Variants in PARPBP observed in about 807,000 individuals in gnomAD.
The protein encoded by PARPBP is PARP1 binding protein.
A neutral mutation model predicts 50.0 loss-of-function variants in PARPBP; 52 were observed. The observed-to-expected ratio is 1.04, with a 90% CI of 0.83 to 1.31. The LOEUF is 1.31. Among genes scored for constraint, PARPBP ranks in the 50% most tolerant of loss-of-function variants. The pLI is 0.00. For missense variants in PARPBP, 697 were observed against 672.0 expected, an observed-to-expected ratio of 1.04 and a Z score of -0.41; for synonymous variants, 244 against 232.1, an observed-to-expected ratio of 1.05 and a Z score of -0.47.
intron 8 of PARPBP, among the ~76,000 whole-genome samples, chr12:102,181,255 CATTT>C (rs1229117825): frequency 1.3e-5 from 2 of 152,224 alleles, no homozygotes; most frequent in African/African-American, 4.8e-5. Flanking sequence ...GCTCATGAAA[CATTT>C]AGTTACTGGA....
chr12:102,122,001 A>C (rs912501985), intron 1 of PARPBP, among the ~76,000 whole-genome samples: 2 of 152,194 alleles, frequency 1.3e-5, no homozygotes, highest in African/African-American at 4.8e-5. Flanking sequence ...TTTCATTATG[A>C]GGAAGCTGAG....
At position 102,197,356 on chromosome 12, in the gene PARPBP, G is replaced by T; in HGVS notation, c.*1065G>T. 1 of 800,824 alleles carries T rather than the reference G, an allele frequency of 1.2e-6. No individual in the cohort carries two copies. Among genetic ancestry groups the T allele is most frequent in the Non-Finnish European group, 1.9e-6 (1 of 513,748 alleles). 49.6% of individuals were successfully genotyped at this position (800,824 alleles called of 1,614,324 possible). ...TCAGATAAGAGGTGTTTGCTGGGATGGAAGAACTACCTGGCATGTAAGAAA... is the reference window on the plus strand; with the variant it reads ...TCAGATAAGAGGTGTTTGCTGGGATTGAAGAACTACCTGGCATGTAAGAAA... On this transcript the variant is annotated 3_prime_UTR_variant, in exon 11 of 11. Transcript: ENST00000327680.
intron 2 of PARPBP, among the ~76,000 whole-genome samples, chr12:102,124,457 T>A (rs1477599547): frequency 6.6e-6 from 1 of 152,230 alleles, no homozygotes; most frequent in Non-Finnish European, 1.5e-5. Context: ...TTAAAAAATT[T>A]CCACAAAGTG....
intron 4 of PARPBP, among the ~76,000 whole-genome samples, chr12:102,160,766 T>C (rs1344884585): frequency 1.3e-5 from 2 of 151,998 alleles, no homozygotes; most frequent in African/African-American, 2.4e-5. Flanking sequence ...CTGACCAACA[T>C]GGAGAAATCC....
chr12:102,129,212 TC>T (rs1380593555), intron 2 of PARPBP, among the ~76,000 whole-genome samples: 2 of 152,208 alleles, frequency 1.3e-5, no homozygotes, highest in Non-Finnish European at 2.9e-5. Flanking sequence ...GTACTTGGAC[TC>T]CTAGGCTCAA....
intron 2 of PARPBP, among the ~76,000 whole-genome samples, chr12:102,135,732 G>C (rs1429790363): frequency 6.6e-6 from 1 of 152,094 alleles, no homozygotes; most frequent in East Asian, 1.9e-4. Context: ...TTTGTCTTCT[G>C]TTTTGAAGAA....
intron 6 of PARPBP, among the ~76,000 whole-genome samples, chr12:102,175,241 A>G (rs574925197): frequency 9.2e-5 from 14 of 152,326 alleles, no homozygotes; most frequent in Non-Finnish European, 1.9e-4. Context: ...TAACTAAATT[A>G]TTTCCCATCA....
chr12:102,132,414 C>T (rs1198135188), intron 2 of PARPBP, among the ~76,000 whole-genome samples: 1 of 152,130 alleles, frequency 6.6e-6, no homozygotes, highest in Non-Finnish European at 1.5e-5. Flanking sequence ...TTAGACTGTT[C>T]TTTCCCCATT....
intron 2 of PARPBP, among the ~76,000 whole-genome samples, chr12:102,133,058 G>T (rs898895093): frequency 4.6e-5 from 7 of 151,882 alleles, no homozygotes; most frequent in African/African-American, 1.7e-4. Flanking sequence ...GCGTCTTTAT[G>T]GTTTTCTGTA....
intron 6 of PARPBP, among the ~76,000 whole-genome samples, chr12:102,174,911 A>G (rs1889106726): frequency 6.6e-6 from 1 of 152,168 alleles, no homozygotes; most frequent in Admixed American, 6.5e-5. Context: ...TTCCTCTTCC[A>G]TGTAATAAAA....
chr12:102,170,937 T>C (rs533693433), intron 6 of PARPBP, among the ~76,000 whole-genome samples: 2 of 151,302 alleles, frequency 1.3e-5, no homozygotes, highest in Admixed American at 6.6e-5. Flanking sequence ...TTTTAAACTT[T>C]TTTGTTTAAA....
At chr12:102,140,959 G>C (rs1884489712) in intron 2 of PARPBP, among the ~76,000 whole-genome samples, 1 of 152,210 alleles carries the variant, frequency 6.6e-6, no homozygotes, top group Non-Finnish European at 1.5e-5. Flanking sequence ...TGTATATTCT[G>C]TTGATTTGGG....
chr12:102,139,141 G>A (rs143313599), intron 2 of PARPBP, among the ~76,000 whole-genome samples: 3,808 of 152,200 alleles, frequency 0.025, 148 homozygotes, highest in African/African-American at 0.076. Context: ...TCTTCCATTT[G>A]TCTGTGTCCT....
intron 4 of PARPBP, chr12:102,154,741 T>C (rs571311554): frequency 2.5e-6 from 1 of 402,654 alleles, no homozygotes; most frequent in South Asian, 1.8e-5. Context: ...TTGCCATATT[T>C]TGAAATGGTC....
chr12:102,190,160 A>G (rs1289049945), intron 9 of PARPBP, among the ~76,000 whole-genome samples: 1 of 152,130 alleles, frequency 6.6e-6, no homozygotes, highest in Admixed American at 6.5e-5. Flanking sequence ...GCATACAATT[A>G]TCGTGTGGTT....
At position 102,197,206 on chromosome 12, in the gene PARPBP, C is replaced by T. The variant is rs369591251; in HGVS notation, c.*915C>T. 18 of 1,484,616 alleles carry T rather than the reference C, an allele frequency of 1.2e-5. No homozygotes were observed. The highest frequency in any genetic ancestry group is 4.2e-5 in the African/African-American group (3 of 72,034). The allele number at this position is 1,484,616 out of a possible 1,614,324, so 92.0% of individuals were successfully genotyped here. On this transcript the variant is annotated 3_prime_UTR_variant, in exon 11 of 11. Coordinates refer to ENST00000327680, the MANE Select transcript of PARPBP (RefSeq NM_017915.5). The stretch of plus-strand genomic sequence containing the variant: ...GAAGGTTGATTTGGTTTTTAGCTAT[C>T]GTATTCGGAGTGGAACTATAATACA...
At chr12:102,192,495 C>T (rs141475734) in intron 9 of PARPBP, among the ~76,000 whole-genome samples, 17 of 152,160 alleles carry the variant, frequency 1.1e-4, no homozygotes, top group Non-Finnish European at 1.5e-4. Flanking sequence ...CTTAGTTGGA[C>T]AGTTGTTGGC....
chr12:102,193,691 CT>C (rs1210879790), intron 9 of PARPBP, among the ~76,000 whole-genome samples: 1 of 151,912 alleles, frequency 6.6e-6, no homozygotes, highest in African/African-American at 2.4e-5. Context: ...ATTAATAAAA[CT>C]TATTTAAATA....
intron 3 of PARPBP, among the ~76,000 whole-genome samples, chr12:102,150,687 G>A (rs1460130888): frequency 2.0e-5 from 3 of 152,210 alleles, no homozygotes; most frequent in Non-Finnish European, 4.4e-5. Flanking sequence ...GCTTTCTCAT[G>A]AACTGAGCAA....
Sources: gnomAD v4.1 joint callset for allele counts (sites outside exome capture counted in the v4.1 genomes callset) on GRCh38, gnomAD v4.1.1 for gene constraint, MANE v1.5 for transcripts, NCBI Gene and HGNC (gene_info 2026-07-23, HGNC 2026-07-21) for gene names.